Variants in SLC5A1 observed in about 807,000 individuals in gnomAD.
The protein encoded by SLC5A1 is sodium/glucose cotransporter 1.
SLC5A1 carries 42 observed loss-of-function variants against 73.5 expected under a neutral mutation model. The ratio of observed to expected loss-of-function variants is 0.57; its 90% CI spans 0.45 to 0.74. The LOEUF (loss-of-function observed/expected upper bound fraction) is 0.74. SLC5A1 is among the 30% of genes least tolerant of loss of function. SLC5A1 has a pLI of 0.00. For missense variants in SLC5A1, 634 were observed against 855.4 expected (o/e 0.74, Z 3.23); for synonymous variants, 300 against 317.4 (o/e 0.95, Z 0.58).
chr22:32,082,343 G>A (rs1471698624), intron 6 of SLC5A1, among the ~76,000 whole-genome samples: 2 of 152,120 alleles, frequency 1.3e-5, no homozygotes, highest in East Asian at 3.9e-4. Context: ...GCTGGAGGAG[G>A]GTGGCCACTG....
chr22:32,109,976 A>G lies in SLC5A1; in HGVS notation c.1772-14A>G, dbSNP rs1353241444. 30 of 1,609,508 alleles carry G rather than the reference A, an allele frequency of 1.9e-5. No homozygotes were observed. In the East Asian group the frequency reaches 4.9e-4, roughly 26 times the overall value. On this transcript the variant is annotated splice_polypyrimidine_tract_variant and intron_variant, in intron 14 of 14. Transcript: ENST00000266088. ...TGCTTCTGTGTCCAATAATTCTTCT[A>G]TGCCTTTGCCCAGAAACACAAGTTC...
chr22:32,068,689 T>A (rs553665163), intron 5 of SLC5A1, 89 bp downstream of exon 5: 1 of 904,190 alleles, frequency 1.1e-6, no homozygotes, highest in African/African-American at 1.6e-5. Context: ...GGCGGCTCTA[T>A]ACATTTCTAT....
At position 32,102,211 on chromosome 22, in the gene SLC5A1, C is replaced by T. The variant is rs2094037756; in HGVS notation, c.1639C>T (p.Leu547Phe). Residue 547 changes from leucine to phenylalanine, a missense_variant, in exon 13 of 15, where the codon CTC becomes TTC. Leu to Phe is a conservative substitution (Grantham distance 22). This residue lies in a region of SLC5A1 where 161 missense variants were observed against 178.7 expected (regional missense o/e 0.90). Transcript: ENST00000266088. ...CATCACCATCGTGGTCATCTCCCTC[C>T]TCACCAAACCCATTCCGGATGTGCA... The part of the protein sequence containing the change: ...SFITIVVISL[L>F]TKPIPDVHLY... 1 of 1,613,842 alleles carries T rather than the reference C, an allele frequency of 6.2e-7. No homozygotes were observed. Among genetic ancestry groups the T allele is most frequent in the Non-Finnish European group, 8.5e-7 (1 of 1,179,864 alleles).
chr22:32,090,934 T>C (rs752813583), intron 10 of SLC5A1, among the ~76,000 whole-genome samples: 7 of 152,158 alleles, frequency 4.6e-5, no homozygotes, highest in Non-Finnish European at 2.9e-5. Context: ...TTATCATAGC[T>C]ATCCTAGTGG....
intron 11 of SLC5A1, among the ~76,000 whole-genome samples, chr22:32,097,648 A>C (rs911984668): frequency 1.3e-5 from 2 of 152,194 alleles, no homozygotes; most frequent in Admixed American, 6.5e-5. Context: ...ATGAAGAAGA[A>C]GACAAAAGGG....
intron 2 of SLC5A1, chr22:32,059,484 TA>T: frequency 2.6e-6 from 1 of 388,598 alleles, no homozygotes; most frequent in Non-Finnish European, 3.5e-6. Context: ...GAAAATGTCA[TA>T]AACAAAAGCA....
chr22:32,086,112 GC>G, intron 9 of SLC5A1, 107 bp from the exon 10 acceptor site: 1 of 746,690 alleles, frequency 1.3e-6, no homozygotes, highest in Middle Eastern at 2.4e-4. Flanking sequence ...CTGCACTCCA[GC>G]CTGGGCTACA....
chr22:32,050,198 T>C (rs1378898052), intron 2 of SLC5A1, among the ~76,000 whole-genome samples, 184 bp downstream of exon 2: 2 of 152,210 alleles, frequency 1.3e-5, no homozygotes, highest in African/African-American at 4.8e-5. Context: ...AGTAAGGGAA[T>C]AGCCTTTAAA....
chr22:32,090,209 G>A (rs2094014918), intron 10 of SLC5A1, among the ~76,000 whole-genome samples: 1 of 151,662 alleles, frequency 6.6e-6, no homozygotes, highest in Non-Finnish European at 1.5e-5. Context: ...TATTCACAGA[G>A]TTGTGCAAGC....
At chr22:32,072,671 A>T (rs1435003690) in intron 5 of SLC5A1, among the ~76,000 whole-genome samples, 1 of 152,220 alleles carries the variant, frequency 6.6e-6, no homozygotes, top group African/African-American at 2.4e-5. Context: ...CCTGGCCCAT[A>T]TCAAGATTTT....
intron 2 of SLC5A1, among the ~76,000 whole-genome samples, chr22:32,059,697 A>C (rs916428233): frequency 6.6e-6 from 1 of 152,068 alleles, no homozygotes; most frequent in Non-Finnish European, 1.5e-5. Context: ...TCTGGTCAAC[A>C]ACCTTTGTTG....
At chr22:32,107,241 AT>A (rs1450478848) in intron 14 of SLC5A1, among the ~76,000 whole-genome samples, 1 of 152,196 alleles carries the variant, frequency 6.6e-6, no homozygotes, top group African/African-American at 2.4e-5. Context: ...GTGTAAGAAT[AT>A]CATAGATTTT....
At chr22:32,060,861 C>T (rs1156584269) in intron 2 of SLC5A1, among the ~76,000 whole-genome samples, 2 of 152,134 alleles carry the variant, frequency 1.3e-5, no homozygotes, top group African/African-American at 4.8e-5. Flanking sequence ...TGAGACACCA[C>T]ACCACCAGGC....
At chr22:32,081,719 CT>C in intron 5 of SLC5A1, 146 bp from the exon 6 acceptor site, 2 of 719,718 alleles carry the variant, frequency 2.8e-6, no homozygotes, top group South Asian at 1.5e-5. Context: ...TTTTATAGAC[CT>C]TTTTGACCAT....
intron 5 of SLC5A1, among the ~76,000 whole-genome samples, chr22:32,073,399 G>A (rs1164900749): frequency 6.6e-6 from 1 of 152,114 alleles, no homozygotes; most frequent in Non-Finnish European, 1.5e-5. Flanking sequence ...TCTTGGAGTT[G>A]GGGCCAACAC....
chr22:32,079,067 C>T (rs1006519946), intron 5 of SLC5A1, among the ~76,000 whole-genome samples: 1 of 149,610 alleles, frequency 6.7e-6, no homozygotes, highest in African/African-American at 2.5e-5. Flanking sequence ...ATCAAAATAA[C>T]GCATGTGCCT....
chr22:32,075,351 T>C (rs1186742251), intron 5 of SLC5A1, among the ~76,000 whole-genome samples: 2 of 152,164 alleles, frequency 1.3e-5, no homozygotes, highest in Non-Finnish European at 2.9e-5. Flanking sequence ...AAGTCTGTTC[T>C]CAGTGTTCTG....
At chr22:32,050,081 CT>C in intron 2 of SLC5A1, 67 bp downstream of exon 2, 1 of 1,381,186 alleles carries the variant, frequency 7.2e-7, no homozygotes, top group East Asian at 2.3e-5. Context: ...AACTCATTTT[CT>C]TCTTGGCTTT....
chr22:32,060,170 CACACACACACACACACAT>C (rs2093959741), intron 2 of SLC5A1, among the ~76,000 whole-genome samples: 2 of 139,054 alleles, frequency 1.4e-5, no homozygotes, highest in Admixed American at 7.0e-5. Flanking sequence ...CACACACACA[CACACACACACACACACAT>C]ATATATATAT....
Sources: allele counts gnomAD v4.1 joint callset (sites outside exome capture counted in the v4.1 genomes callset), GRCh38; gene constraint gnomAD v4.1.1; regional missense constraint gnomAD v4.1.1; transcripts MANE v1.5; gene names NCBI Gene and HGNC (gene_info 2026-07-23, HGNC 2026-07-21).